NR3C2: variants seen among roughly 807,000 people sequenced by gnomAD.
The protein encoded by NR3C2 is nuclear receptor subfamily 3 group C member 2, also known as mineralocorticoid receptor.
In NR3C2, 15 loss-of-function variants were observed where a neutral mutation model predicts 86.4. The ratio of observed to expected loss-of-function variants is 0.17; its 90% CI spans 0.12 to 0.27. The LOEUF (loss-of-function observed/expected upper bound fraction) is 0.27. Among genes scored for constraint, NR3C2 ranks in the 10% least tolerant of loss-of-function variants. NR3C2 has a pLI of 1.00. For missense variants in NR3C2, 960 were observed against 1,195.6 expected, an observed-to-expected ratio of 0.80 and a Z score of 2.91; for synonymous variants, 458 against 450.5, an observed-to-expected ratio of 1.02 and a Z score of -0.21.
intron 2 of NR3C2, among the ~76,000 whole-genome samples, chr4:148,347,651 A>C (rs1481528552): frequency 6.6e-6 from 1 of 152,142 alleles, no homozygotes; most frequent in Non-Finnish European, 1.5e-5. Context: ...AACTTTCCCA[A>C]AGCGTTTATT....
chr4:148,097,102 C>G (rs1219572132), intron 8 of NR3C2, among the ~76,000 whole-genome samples: 1 of 152,196 alleles, frequency 6.6e-6, no homozygotes, highest in Non-Finnish European at 1.5e-5. Flanking sequence ...TCTTACCATA[C>G]AGATTCTTCT....
At chr4:148,387,086 T>C (rs1747301108) in intron 2 of NR3C2, among the ~76,000 whole-genome samples, 2 of 152,228 alleles carry the variant, frequency 1.3e-5, no homozygotes, top group African/African-American at 2.4e-5. Context: ...TTCTGGTCAA[T>C]GTGATATAAA....
intron 2 of NR3C2, among the ~76,000 whole-genome samples, chr4:148,269,849 T>C (rs1396140355): frequency 6.6e-6 from 1 of 152,218 alleles, no homozygotes; most frequent in Non-Finnish European, 1.5e-5. Context: ...TACTAAATGC[T>C]TACTTGAATG....
rs1560936840 is a variant in NR3C2 at position 148,130,804 on chromosome 4, GT to G, written c.2511-10517del. ...ATGAACACGTTTTTTTTTTTGTTTT[GT>G]TTTGTTTTGTTTTGTTTTTTTTTTT... On this transcript the variant is annotated intron_variant, in intron 6 of 8. Coordinates refer to ENST00000358102, the MANE Select transcript of NR3C2 (RefSeq NM_000901.5). Among the ~76,000 whole-genome samples the G allele has an allele frequency of 2.0e-4, 10 of 50,004 alleles. No homozygotes were observed. The South Asian group carries it at 5.6e-3, about 28-fold the overall frequency. 32.8% of individuals were successfully genotyped at this position (50,004 alleles called of 152,430 possible).
chr4:148,325,123 A>G (rs1481313995), intron 2 of NR3C2, among the ~76,000 whole-genome samples: 1 of 143,028 alleles, frequency 7.0e-6, no homozygotes, highest in Non-Finnish European at 1.5e-5. Flanking sequence ...AGAGAGAGAG[A>G]GGGAGAGAGA....
At chr4:148,417,300 C>T (rs1749060591) in intron 2 of NR3C2, among the ~76,000 whole-genome samples, 1 of 152,160 alleles carries the variant, frequency 6.6e-6, no homozygotes, top group Non-Finnish European at 1.5e-5. Context: ...TGTGTGTATG[C>T]ATGCGTGCAC....
chr4:148,212,817 T>C (rs1414140830), intron 3 of NR3C2, among the ~76,000 whole-genome samples: 1 of 152,248 alleles, frequency 6.6e-6, no homozygotes, highest in Non-Finnish European at 1.5e-5. Context: ...TTGTGTGGTT[T>C]TAGCCTCTGC....
chr4:148,427,205 T>C (rs1212423516), intron 2 of NR3C2, among the ~76,000 whole-genome samples: 2 of 152,100 alleles, frequency 1.3e-5, no homozygotes, highest in East Asian at 3.9e-4. Flanking sequence ...TGTGCCTACC[T>C]TGGCCACCCA....
At chr4:148,434,010 GT>G (rs1749920354) in intron 2 of NR3C2, among the ~76,000 whole-genome samples, 1 of 152,116 alleles carries the variant, frequency 6.6e-6, no homozygotes, top group African/African-American at 2.4e-5. Context: ...AATACATAAA[GT>G]TTTTGCTTTT....
chr4:148,154,479 G>T (rs1488251862), intron 5 of NR3C2, 72 bp downstream of exon 5: 2 of 1,362,086 alleles, frequency 1.5e-6, no homozygotes, highest in African/African-American at 1.4e-5. Flanking sequence ...CTGCATGGTT[G>T]GAGATGGCGA....
chr4:148,111,501 T>C (rs2149725637), intron 8 of NR3C2, among the ~76,000 whole-genome samples: 1 of 152,366 alleles, frequency 6.6e-6, no homozygotes, highest in Admixed American at 6.5e-5. Flanking sequence ...AGAAAGTATA[T>C]GTCTGTACAA....
chr4:148,158,414 A>G (rs1392277514), intron 4 of NR3C2, among the ~76,000 whole-genome samples: 1 of 152,224 alleles, frequency 6.6e-6, no homozygotes, highest in Non-Finnish European at 1.5e-5. Context: ...GGGCATGACA[A>G]TGTCTCCCTC....
chr4:148,300,273 G>A (rs938205793), intron 2 of NR3C2, among the ~76,000 whole-genome samples: 1 of 152,150 alleles, frequency 6.6e-6, no homozygotes, highest in Non-Finnish European at 1.5e-5. Flanking sequence ...GACATTCTAT[G>A]TGATCTTTGC....
At chr4:148,369,188 C>T (rs61762846) in intron 2 of NR3C2, among the ~76,000 whole-genome samples, 57 of 152,314 alleles carry the variant, frequency 3.7e-4, no homozygotes, top group Non-Finnish European at 7.5e-4. Context: ...GAATGGATTA[C>T]CAGGGCAAAT....
At chr4:148,434,623 G>C (rs1579294091) in intron 2 of NR3C2, among the ~76,000 whole-genome samples, 6 of 152,112 alleles carry the variant, frequency 3.9e-5, no homozygotes. Flanking sequence ...AAGCCTGTGG[G>C]TAACAGATAC....
intron 2 of NR3C2, among the ~76,000 whole-genome samples, chr4:148,314,435 T>C (rs1027136188): frequency 6.6e-6 from 1 of 152,216 alleles, no homozygotes; most frequent in African/African-American, 2.4e-5. Context: ...GCATTTGCTA[T>C]GCATAGTTTT....
chr4:148,234,681 T>TAA (rs76089180), intron 3 of NR3C2, among the ~76,000 whole-genome samples: 14 of 73,062 alleles, frequency 1.9e-4, no homozygotes, highest in Middle Eastern at 7.6e-3. Flanking sequence ...AGACTCCAAC[T>TAA]AAAAAAAAAA....
intron 8 of NR3C2, among the ~76,000 whole-genome samples, chr4:148,088,205 T>C (rs954417899): frequency 6.6e-6 from 1 of 152,116 alleles, no homozygotes; most frequent in African/African-American, 2.4e-5. Context: ...AAAAAGTTAG[T>C]TAGGAAACAA....
chr4:148,394,069 A>G (rs1404958093), intron 2 of NR3C2, among the ~76,000 whole-genome samples: 1 of 151,994 alleles, frequency 6.6e-6, no homozygotes, highest in African/African-American at 2.4e-5. Flanking sequence ...AGCTTGGGCT[A>G]GGTTACTAAA....
Sources: gnomAD v4.1 joint callset for allele counts (sites outside exome capture counted in the v4.1 genomes callset) on GRCh38, gnomAD v4.1.1 for gene constraint, MANE v1.5 for transcripts, NCBI Gene and HGNC (gene_info 2026-07-23, HGNC 2026-07-21) for gene names.